Variants in OTOA observed in about 807,000 individuals in gnomAD.
OTOA encodes cancer/testis antigen 108.
Under a neutral mutation model 110.8 loss-of-function variants are expected in OTOA, and 70 were observed. That is an observed-to-expected ratio of 0.63 (90% CI 0.52 to 0.77). The LOEUF is 0.77. Ranked by LOEUF, OTOA falls within the 30% of genes least tolerant of loss-of-function variation. OTOA has a pLI of 0.00. For missense variants in OTOA, 917 were observed against 1,075.8 expected, an observed-to-expected ratio of 0.85 and a Z score of 2.06; for synonymous variants, 373 against 431.5, an observed-to-expected ratio of 0.86 and a Z score of 1.68.
intron 12 of OTOA, among the ~76,000 whole-genome samples, chr16:21,706,430 G>C (rs1184651122): frequency 6.6e-6 from 1 of 152,180 alleles, no homozygotes; most frequent in Admixed American, 6.5e-5. Flanking sequence ...CACCCTCAGA[G>C]AATCTGATGT....
intron 2 of OTOA, 67 bp downstream of exon 2, chr16:21,678,672 T>C: frequency 2.2e-6 from 3 of 1,376,052 alleles, no homozygotes; most frequent in South Asian, 1.2e-5. Context: ...GTGGGATAGA[T>C]ACATTAGGTA....
At chr16:21,686,777 C>T (rs1459520861) in intron 7 of OTOA, among the ~76,000 whole-genome samples, 1 of 152,082 alleles carries the variant, frequency 6.6e-6, no homozygotes, top group Non-Finnish European at 1.5e-5. Context: ...CCTGTAGTCC[C>T]AGCTACTTGG....
intron 1 of OTOA, among the ~76,000 whole-genome samples, chr16:21,673,964 A>AT (rs1436845917): frequency 3.3e-5 from 5 of 151,454 alleles, no homozygotes; most frequent in Non-Finnish European, 7.4e-5. Context: ...CGCCTAGCTA[A>AT]TTTTTTGTAT....
Position 21,665,241 on chromosome 16 carries a change from C to T in OTOA, c.-5+1009C>T, listed in dbSNP as rs562015022. Reference sequence around the variant, plus strand: ...GACACTGGAGAGCAAAGCCAGTGAGCGTTGGAATCATTTAGCTCTGGGTTT... The same window carrying T: ...GACACTGGAGAGCAAAGCCAGTGAGTGTTGGAATCATTTAGCTCTGGGTTT... On this transcript the variant is annotated intron_variant, in intron 1 of 28. Transcript: ENST00000646100. Among the ~76,000 whole-genome samples the T allele has an allele frequency of 2.6e-5, 4 of 152,178 alleles. No individual in the cohort carries two copies. In the East Asian group the frequency reaches 7.7e-4, roughly 29 times the overall value.
chr16:21,671,935 C>T (rs982104861), intron 1 of OTOA, among the ~76,000 whole-genome samples: 3 of 152,060 alleles, frequency 2.0e-5, no homozygotes, highest in African/African-American at 4.8e-5. Context: ...AGTTTGAGAC[C>T]AGCTTGGGCA....
chr16:21,707,548 C>CCCTT (rs1276603248), intron 12 of OTOA, among the ~76,000 whole-genome samples: 2 of 150,728 alleles, frequency 1.3e-5, no homozygotes, highest in Non-Finnish European at 3.0e-5. Context: ...TTCCTTCCCT[C>CCCTT]CCTTCCTCCC....
chr16:21,671,345 G>A (rs1966848732), intron 1 of OTOA, among the ~76,000 whole-genome samples: 1 of 151,964 alleles, frequency 6.6e-6, no homozygotes, highest in South Asian at 2.1e-4. Context: ...TCAGCACTTT[G>A]GGAGGCCAAA....
At chr16:21,664,971 CATGA>C (rs201389274) in intron 1 of OTOA, among the ~76,000 whole-genome samples, 1,510 of 142,630 alleles carry the variant, frequency 0.011, 49 homozygotes, top group East Asian at 0.084. Flanking sequence ...GACTCTGTCT[CATGA>C]ATGAATAAAT....
intron 22 of OTOA, among the ~76,000 whole-genome samples, chr16:21,737,063 C>T (rs1288479430): frequency 6.6e-6 from 1 of 152,300 alleles, no homozygotes; most frequent in Non-Finnish European, 1.5e-5. Context: ...TCTTTAACCT[C>T]TGTGTGCCTC....
chr16:21,686,918 G>A (rs1293684103), intron 7 of OTOA, among the ~76,000 whole-genome samples: 1 of 152,024 alleles, frequency 6.6e-6, no homozygotes, highest in Admixed American at 6.6e-5. Context: ...CTTTAAAAAA[G>A]CTCCCCAGGT....
chr16:21,714,934 A>C (rs1182011720), intron 13 of OTOA, 51 bp from the exon 14 acceptor site: 1 of 1,611,578 alleles, frequency 6.2e-7, no homozygotes, highest in Non-Finnish European at 8.5e-7. Context: ...TGCACGTTGG[A>C]GAGGTGAAAG....
chr16:21,691,537 C>T (rs762505816), intron 8 of OTOA, 47 bp from the exon 9 acceptor site: 6 of 1,500,718 alleles, frequency 4.0e-6, no homozygotes, highest in South Asian at 3.4e-5. Context: ...TTTAATGCAG[C>T]CCCCACCTGC....
intron 1 of OTOA, among the ~76,000 whole-genome samples, chr16:21,676,805 G>A (rs1966858884): frequency 6.6e-6 from 1 of 152,190 alleles, no homozygotes; most frequent in African/African-American, 2.4e-5. Context: ...TGTAGGCTCT[G>A]TTTGGATTCT....
intron 8 of OTOA, 134 bp downstream of exon 8, chr16:21,687,782 C>G (rs1409694058): frequency 3.7e-6 from 3 of 804,440 alleles, no homozygotes; most frequent in Non-Finnish European, 6.0e-6. Context: ...ATTCTCCTGC[C>G]TCAATTCCAA....
intron 12 of OTOA, among the ~76,000 whole-genome samples, chr16:21,707,613 C>A (rs1376427024): frequency 1.2e-5 from 1 of 85,656 alleles, no homozygotes; most frequent in African/African-American, 3.5e-5. Context: ...TTCTTTCTTT[C>A]TTTCTTTCTT....
In OTOA at chr16:21,728,347, C is replaced by G; in HGVS notation, c.2123C>G (p.Thr708Ser). Residue 708 changes from threonine to serine, a missense_variant, in exon 20 of 29, where the codon ACT becomes AGT. Thr to Ser is a moderately conservative substitution (Grantham distance 58, BLOSUM62 1). Around this residue, in one of 6 missense-constraint regions of OTOA, gnomAD observed 840 missense variants for 910.2 expected, o/e 0.92. Transcript: ENST00000646100. ...DRGISPRAWA[T>S]ALHGLRDCPD... Reference sequence around the variant, plus strand: ...GGGATCTCCCCCAGGGCTTGGGCGACTGCTCTACACGGCCTCAGAGACTGC... The same window carrying G: ...GGGATCTCCCCCAGGGCTTGGGCGAGTGCTCTACACGGCCTCAGAGACTGC... 1 of 1,614,078 alleles carries G rather than the reference C, an allele frequency of 6.2e-7. No homozygotes were observed. The highest frequency in any genetic ancestry group is 8.5e-7 in the Non-Finnish European group (1 of 1,180,000).
chr16:21,721,555 A>G (rs1252061193), intron 17 of OTOA: 2 of 450,918 alleles, frequency 4.4e-6, no homozygotes, highest in South Asian at 3.1e-5. Flanking sequence ...AGGTAACTAT[A>G]AAGAACAGTT....
At chr16:21,756,146 CATG>C (rs1899979224) in intron 27 of OTOA, among the ~76,000 whole-genome samples, 1 of 151,548 alleles carries the variant, frequency 6.6e-6, no homozygotes, top group African/African-American at 2.4e-5. Flanking sequence ...AGAAAATAAA[CATG>C]ATGATATAGA....
chr16:21,684,975 C>T (rs1191972733), intron 6 of OTOA, among the ~76,000 whole-genome samples: 1 of 152,018 alleles, frequency 6.6e-6, no homozygotes, highest in Admixed American at 6.6e-5. Flanking sequence ...TGGTCTTGAT[C>T]TCTTCACCTC....
Sources: allele counts gnomAD v4.1 joint callset (sites outside exome capture counted in the v4.1 genomes callset), GRCh38; gene constraint gnomAD v4.1.1; regional missense constraint gnomAD v4.1.1; transcripts MANE v1.5; gene names NCBI Gene and HGNC (gene_info 2026-07-23, HGNC 2026-07-21).